Variants in OGDH observed in about 807,000 individuals in gnomAD.
OGDH encodes oxoglutarate dehydrogenase.
A neutral mutation model predicts 116.6 loss-of-function variants in OGDH; 38 were observed. The ratio of observed to expected loss-of-function variants is 0.33; its 90% CI spans 0.25 to 0.43. OGDH has a LOEUF of 0.43. OGDH is among the 20% of genes least tolerant of loss of function. The pLI is 1.00. For synonymous variants in OGDH, 488 were observed against 533.3 expected (o/e 0.92, Z 1.17); for missense variants, 825 against 1,357.2 (o/e 0.61, Z 6.16).
rs985793851 is a variant in OGDH, at chr7:44,709,025, T to A, written c.*1026T>A. On this transcript the variant is annotated 3_prime_UTR_variant, in exon 23 of 23. Transcript: ENST00000222673. ...AAAAAAAAAGGAACAGAAACAACTT[T>A]GCATTGCATTGGCTTGACCCATAAA... The A allele has an allele frequency of 2.6e-5, 4 of 151,986 alleles. No individual in the cohort carries two copies. The highest frequency in any genetic ancestry group is 4.4e-5 in the Non-Finnish European group (3 of 67,996). The allele number at this position is 151,986 out of a possible 1,614,324, so 9.4% of individuals were successfully genotyped here.
intron 20 of OGDH, among the ~76,000 whole-genome samples, chr7:44,704,555 T>C (rs1788978828): frequency 6.6e-6 from 1 of 152,150 alleles, no homozygotes; most frequent in Admixed American, 6.6e-5. Context: ...ATCTGGTTGC[T>C]TGTTTTTGAG....
At chr7:44,643,868 A>G (rs1008774217) in intron 2 of OGDH, among the ~76,000 whole-genome samples, 2 of 152,222 alleles carry the variant, frequency 1.3e-5, no homozygotes, top group Admixed American at 1.3e-4. Context: ...TAGAGGCTGG[A>G]AAAGGTATTG....
At chr7:44,662,091 A>G (rs1342366417) in intron 4 of OGDH, among the ~76,000 whole-genome samples, 1 of 152,142 alleles carries the variant, frequency 6.6e-6, no homozygotes, top group Non-Finnish European at 1.5e-5. Flanking sequence ...TTTTCTCTAC[A>G]TACATTTAGA....
intron 10 of OGDH, among the ~76,000 whole-genome samples, chr7:44,688,054 T>C (rs1788207395): frequency 6.6e-6 from 1 of 152,170 alleles, no homozygotes; most frequent in South Asian, 2.1e-4. Flanking sequence ...TTAGATTGTT[T>C]CTACTTTTGG....
rs551908856 is a variant in OGDH at position 44,669,517 on chromosome 7, C to T, written c.633+2666C>T. ...TCCCATGGAGTCACTGTCTCCATAG[C>T]ACGTCACAGTGTCACCTCTCAGGGG... On this transcript the variant is annotated intron_variant, in intron 5 of 22. Transcript: ENST00000222673. 1.1e-4 allele frequency among the ~76,000 whole-genome samples: 16 copies of T among 151,750 alleles called. No homozygotes were observed. The East Asian group carries it at 3.1e-3, about 30-fold the overall frequency.
chr7:44,621,846 G>A (rs1409737170), intron 1 of OGDH, among the ~76,000 whole-genome samples: 1 of 151,342 alleles, frequency 6.6e-6, no homozygotes, highest in Non-Finnish European at 1.5e-5. Flanking sequence ...ACTCCAGCCT[G>A]GACTACAGAG....
chr7:44,609,557 C>T (rs1477274157), intron 1 of OGDH, among the ~76,000 whole-genome samples: 1 of 151,064 alleles, frequency 6.6e-6, no homozygotes, highest in Admixed American at 6.6e-5. Flanking sequence ...TGAAGCCGGG[C>T]TATTGGGCTA....
intron 2 of OGDH, among the ~76,000 whole-genome samples, chr7:44,645,009 T>C (rs1786105705): frequency 6.6e-6 from 1 of 152,172 alleles, no homozygotes; most frequent in African/African-American, 2.4e-5. Context: ...GCCCAGTGAA[T>C]AGGAACTGAG....
At chr7:44,637,980 C>T (rs1298097001) in intron 2 of OGDH, among the ~76,000 whole-genome samples, 1 of 152,120 alleles carries the variant, frequency 6.6e-6, no homozygotes, top group Non-Finnish European at 1.5e-5. Flanking sequence ...TTTCCCGCAC[C>T]CCTCCCCTGG....
chr7:44,645,360 G>A lies in OGDH; in HGVS notation c.256G>A (p.Gly86Arg), dbSNP rs1446455731. 6 of 1,613,996 alleles carry A rather than the reference G, an allele frequency of 3.7e-6. No individual in the cohort carries two copies. Among genetic ancestry groups the A allele is most frequent in the Admixed American group, 1.7e-5 (1 of 60,000 alleles). ...CATTTTTTTTCGCAACACGAATGCC[G>A]GAGCCCCACCGGGCACTGCCTACCA... is the stretch of plus-strand genomic sequence containing the variant. ...WDIFFRNTNA[G>R]APPGTAYQSP... Residue 86 changes from glycine to arginine, a missense_variant, in exon 3 of 23, where the codon GGA becomes AGA. Physicochemically the swap from Gly to Arg is moderately radical, Grantham distance 125 (BLOSUM62 -2). Coordinates refer to ENST00000222673, the MANE Select transcript of OGDH (RefSeq NM_002541.4).
intron 2 of OGDH, among the ~76,000 whole-genome samples, chr7:44,633,267 A>G (rs1276023801): frequency 6.6e-6 from 1 of 151,356 alleles, no homozygotes; most frequent in Non-Finnish European, 1.5e-5. Flanking sequence ...AAAAAAAAAA[A>G]AAAAAAACCC....
intron 2 of OGDH, among the ~76,000 whole-genome samples, chr7:44,630,271 T>C (rs1487149804): frequency 6.6e-6 from 1 of 152,226 alleles, no homozygotes; most frequent in Non-Finnish European, 1.5e-5. Context: ...GGAGCCCTGC[T>C]CCAAGTTACC....
At chr7:44,609,707 A>C (rs901427723) in intron 1 of OGDH, among the ~76,000 whole-genome samples, 1 of 152,192 alleles carries the variant, frequency 6.6e-6, no homozygotes, top group African/African-American at 2.4e-5. Flanking sequence ...CTCCAAGATA[A>C]ATGCCCAGGA....
Position 44,673,801 on chromosome 7 carries a change from G to A in OGDH, c.648G>A (p.Gln216=). The A allele has an allele frequency of 1.2e-6, 2 of 1,614,242 alleles. No individual in the cohort carries two copies. Among genetic ancestry groups the A allele is most frequent in the South Asian group, 1.1e-5 (1 of 91,090 alleles). ...IIRRLEMAYC[Q]HIGVEFMFIN... is the part of the protein sequence containing the mutation. ...GTATGGAATAGATGGCCTACTGCCAGCATATTGGGGTGGAGTTCATGTTCA... is the reference window on the plus strand; with the variant it reads ...GTATGGAATAGATGGCCTACTGCCAACATATTGGGGTGGAGTTCATGTTCA... Residue 216 remains glutamine (Q), a synonymous_variant, in exon 6 of 23, where the codon CAG becomes CAA. Transcript: ENST00000222673.
At chr7:44,645,287 G>T in intron 2 of OGDH, 40 bp from the exon 3 acceptor site, 2 of 1,580,144 alleles carry the variant, frequency 1.3e-6, no homozygotes, top group South Asian at 2.3e-5. Context: ...CCTGGACTTA[G>T]GGGAGCAGTG....
intron 1 of OGDH, among the ~76,000 whole-genome samples, chr7:44,618,813 T>C (rs917110416): frequency 8.5e-5 from 13 of 152,226 alleles, no homozygotes; most frequent in African/African-American, 2.9e-4. Flanking sequence ...ACCTACCTTG[T>C]CTGATTGTAG....
At chr7:44,621,460 C>A (rs1785005556) in intron 1 of OGDH, among the ~76,000 whole-genome samples, 1 of 152,186 alleles carries the variant, frequency 6.6e-6, no homozygotes, top group Non-Finnish European at 1.5e-5. Context: ...TTAGTGTTGG[C>A]TCTGTCGTTC....
rs927724087 is a variant in OGDH, at chr7:44,628,420, G to A, written c.222+3855G>A. Among the ~76,000 whole-genome samples the A allele has an allele frequency of 3.3e-5, 5 of 149,480 alleles. 1 individual carries two copies. Among genetic ancestry groups the A allele is most frequent in the Middle Eastern group, 6.4e-3 (2 of 314 alleles). ...TTGGTTTTACACTTTATAATTGGTC[G>A]TTGTATTCCTTATTTTTAATTTTAT... On this transcript the variant is annotated intron_variant, in intron 2 of 22. Coordinates refer to ENST00000222673, the MANE Select transcript of OGDH (RefSeq NM_002541.4).
chr7:44,695,535 T>C (rs1179371518), intron 12 of OGDH, among the ~76,000 whole-genome samples: 1 of 151,850 alleles, frequency 6.6e-6, no homozygotes, highest in Non-Finnish European at 1.5e-5. Flanking sequence ...TGAAACCCCG[T>C]CTACTAAAAA....
Sources: allele counts gnomAD v4.1 joint callset (sites outside exome capture counted in the v4.1 genomes callset), GRCh38; gene constraint gnomAD v4.1.1; transcripts MANE v1.5; gene names NCBI Gene and HGNC (gene_info 2026-07-23, HGNC 2026-07-21).